EYS: variants seen among roughly 807,000 people sequenced by gnomAD.
EYS encodes the protein EGF-like photoreceptor maintenance factor, also known as protein eyes shut homolog.
A neutral mutation model predicts 282.1 loss-of-function variants in EYS; 250 were observed. The ratio of observed to expected loss-of-function variants is 0.89; its 90% CI spans 0.80 to 0.98. EYS has a LOEUF of 0.98. Among genes scored for constraint, EYS ranks in the 50% least tolerant of loss-of-function variants. EYS has a pLI of 0.00. For synonymous variants in EYS, 1,355 were observed against 1,282.9 expected (o/e 1.06, Z -1.20); for missense variants, 4,016 against 3,709.0 (o/e 1.08, Z -2.15).
intron 12 of EYS, among the ~76,000 whole-genome samples, chr6:65,215,286 AC>A (rs1334516869): frequency 6.6e-6 from 1 of 152,104 alleles, no homozygotes; most frequent in Non-Finnish European, 1.5e-5. Flanking sequence ...ATCAATATTA[AC>A]AGGAGTTTAA....
chr6:64,874,864 T>A (rs1269815189), intron 19 of EYS, among the ~76,000 whole-genome samples: 3 of 152,012 alleles, frequency 2.0e-5, no homozygotes, highest in African/African-American at 7.2e-5. Context: ...GTAGTTCACA[T>A]CGTGTATGAA....
At chr6:64,906,943 T>C (rs1169197492) in intron 16 of EYS, among the ~76,000 whole-genome samples, 1 of 152,214 alleles carries the variant, frequency 6.6e-6, no homozygotes, top group Non-Finnish European at 1.5e-5. Flanking sequence ...GACACACACA[T>C]GGTAACATAA....
intron 26 of EYS, among the ~76,000 whole-genome samples, chr6:64,554,271 C>T (rs991924326): frequency 7.9e-5 from 12 of 151,878 alleles, no homozygotes; most frequent in Admixed American, 7.9e-4. Flanking sequence ...TTCTGCTATA[C>T]CATAGAAATA....
At chr6:64,813,036 T>C (rs1764643603) in intron 22 of EYS, among the ~76,000 whole-genome samples, 1 of 151,998 alleles carries the variant, frequency 6.6e-6, no homozygotes, top group South Asian at 2.1e-4. Flanking sequence ...GGAATTATTC[T>C]ATAAATGTGA....
chr6:65,183,389 G>C (rs1187310267), intron 12 of EYS, among the ~76,000 whole-genome samples: 1 of 151,818 alleles, frequency 6.6e-6, no homozygotes, highest in African/African-American at 2.4e-5. Context: ...AATTTTTAAA[G>C]TATATATTCC....
At chr6:64,320,628 A>G (rs1770180245) in intron 29 of EYS, among the ~76,000 whole-genome samples, 1 of 151,612 alleles carries the variant, frequency 6.6e-6, no homozygotes, top group Admixed American at 6.6e-5. Context: ...TGACAATTTT[A>G]AAGTCTTTTA....
At chr6:64,571,921 T>C (rs974026606) in intron 26 of EYS, among the ~76,000 whole-genome samples, 2 of 152,140 alleles carry the variant, frequency 1.3e-5, no homozygotes, top group African/African-American at 4.8e-5. Flanking sequence ...CCCTAACTCA[T>C]ATTATGAGGC....
chr6:64,256,055 A>G (rs890968077), intron 30 of EYS, among the ~76,000 whole-genome samples: 2 of 152,038 alleles, frequency 1.3e-5, no homozygotes, highest in Non-Finnish European at 2.9e-5. Context: ...TCTGAGAATC[A>G]TTTACTATAA....
At position 63,999,177 on chromosome 6, in the gene EYS, T is replaced by C. The variant is rs899618893; in HGVS notation, c.6732A>G (p.Thr2244=). The C allele has an allele frequency of 1.9e-5, 29 of 1,550,838 alleles. No homozygotes were observed. In the African/African-American group the frequency reaches 4.0e-4, roughly 21 times the overall value. The change falls in exon 34 of 43, where the codon ACA becomes ACG. Residue 2244 remains threonine (T), a synonymous_variant. Coordinates refer to ENST00000503581, the MANE Select transcript of EYS (RefSeq NM_001142800.2). ...CAACTCCAGGGCTGCCAACAGGCGTTGTGTAGCTAAACGTAAAACAGAAGA... is the reference window on the plus strand; with the variant it reads ...CAACTCCAGGGCTGCCAACAGGCGTCGTGTAGCTAAACGTAAAACAGAAGA... ...NAFTPITIRY[T]TPVGSPGVVC...
intron 36 of EYS, among the ~76,000 whole-genome samples, chr6:63,811,559 T>C (rs956419403): frequency 6.6e-6 from 1 of 152,214 alleles, no homozygotes; most frequent in Non-Finnish European, 1.5e-5. Flanking sequence ...CTGTATTTGA[T>C]CATGAGTACC....
intron 29 of EYS, among the ~76,000 whole-genome samples, chr6:64,348,047 A>G (rs1420350354): frequency 1.3e-5 from 2 of 151,338 alleles, no homozygotes; most frequent in Non-Finnish European, 3.0e-5. Flanking sequence ...AATATTTAAA[A>G]TTTTTTCTTC....
intron 33 of EYS, among the ~76,000 whole-genome samples, chr6:64,065,440 TTTG>T (rs1226129319): frequency 2.0e-5 from 3 of 152,212 alleles, no homozygotes; most frequent in African/African-American, 7.2e-5. Flanking sequence ...GCATGTAAAT[TTTG>T]TTTAGTAATG....
intron 29 of EYS, among the ~76,000 whole-genome samples, chr6:64,358,118 T>C (rs1029358830): frequency 2.0e-5 from 3 of 151,650 alleles, no homozygotes; most frequent in Non-Finnish European, 4.4e-5. Context: ...TACTGAATTC[T>C]TTCTGTGCCA....
intron 35 of EYS, among the ~76,000 whole-genome samples, chr6:63,930,124 A>T: frequency 6.6e-6 from 1 of 152,136 alleles, no homozygotes; most frequent in East Asian, 1.9e-4. Context: ...TGGCTTTTAC[A>T]ATTCTCACCA....
At chr6:65,021,661 G>A (rs1251639383) in intron 13 of EYS, among the ~76,000 whole-genome samples, 1 of 152,120 alleles carries the variant, frequency 6.6e-6, no homozygotes, top group East Asian at 1.9e-4. Flanking sequence ...GGTATCTTTA[G>A]AGCAGCACCT....
At chr6:64,477,209 T>A (rs1459000752) in intron 26 of EYS, among the ~76,000 whole-genome samples, 2 of 152,152 alleles carry the variant, frequency 1.3e-5, no homozygotes, top group Admixed American at 6.6e-5. Flanking sequence ...AATGTTTTCT[T>A]CTCTTGCCAC....
At chr6:65,231,053 A>C (rs1225743981) in intron 12 of EYS, among the ~76,000 whole-genome samples, 1 of 87,944 alleles carries the variant, frequency 1.1e-5, no homozygotes, top group African/African-American at 3.5e-5. Context: ...AATTAAAAGT[A>C]TATATATATG....
At chr6:64,518,779 G>GCCCC (rs10626520) in intron 26 of EYS, among the ~76,000 whole-genome samples, 1,898 of 146,388 alleles carry the variant, frequency 0.013, 16 homozygotes, top group East Asian at 0.017. Context: ...GTTTATAAGG[G>GCCCC]GCCCCCCCCT....
chr6:65,042,302 C>T, intron 13 of EYS, among the ~76,000 whole-genome samples: 1 of 151,338 alleles, frequency 6.6e-6, no homozygotes, highest in East Asian at 1.9e-4. Flanking sequence ...TTTTTTTATC[C>T]AGATGAATAA....
Sources: gnomAD v4.1 joint callset for allele counts (sites outside exome capture counted in the v4.1 genomes callset) on GRCh38, gnomAD v4.1.1 for gene constraint, MANE v1.5 for transcripts, NCBI Gene and HGNC (gene_info 2026-07-23, HGNC 2026-07-21) for gene names.